Variants in GCC2 observed in about 807,000 individuals in gnomAD.
GCC2 encodes the protein GRIP and coiled-coil domain containing 2.
GCC2 carries 120 observed loss-of-function variants against 210.6 expected under a neutral mutation model. The observed-to-expected ratio is 0.57, with a 90% CI of 0.49 to 0.66. The LOEUF is 0.66. Ranked by LOEUF, GCC2 falls within the 30% of genes least tolerant of loss-of-function variation. The pLI, the probability that GCC2 is intolerant of heterozygous loss-of-function variation, is 0.00. For missense variants in GCC2, 1,868 were observed against 1,871.9 expected (o/e 1.00, Z 0.04); for synonymous variants, 703 against 652.7 (o/e 1.08, Z -1.17).
chr2:108,482,903 A>G (rs1048458319), intron 11 of GCC2, among the ~76,000 whole-genome samples, 159 bp from the exon 12 acceptor site: 1 of 152,086 alleles, frequency 6.6e-6, no homozygotes, highest in Non-Finnish European at 1.5e-5. Context: ...GATGGTCTCA[A>G]TCTCCTGACC....
rs565427452 is a variant in GCC2 at position 108,460,596 on chromosome 2, T to G, written c.216+8130T>G. On this transcript the variant is annotated intron_variant, in intron 4 of 22. Coordinates refer to ENST00000309863, the MANE Select transcript of GCC2 (RefSeq NM_181453.4). ...CTTTCACTTTCAGGTTTAGGACTTC[T>G]TGAACATTTCTTGTAGGTCTGGTCT... Among the ~76,000 whole-genome samples the G allele has an allele frequency of 3.9e-5, 6 of 152,338 alleles. No individual in the cohort carries two copies. In the South Asian group the frequency reaches 1.0e-3, roughly 26 times the overall value.
chr2:108,470,411 T>A lies in GCC2; in HGVS notation c.1082T>A (p.Leu361His). 1 of 1,607,016 alleles carries A rather than the reference T, an allele frequency of 6.2e-7. No individual in the cohort carries two copies. Among genetic ancestry groups the A allele is most frequent in the Non-Finnish European group, 8.5e-7 (1 of 1,174,364 alleles). The change falls in exon 6 of 23, where the codon CTT becomes CAT. Residue 361 changes from leucine to histidine, a missense_variant. Transcript: ENST00000309863. ...LKDEVTYMNN[L>H]KLKLEMDAQH... ...GATGAGGTAACTTATATGAATAATCTTAAGTTAAAACTTGAAATGGATGCT... is the reference window on the plus strand; with the variant it reads ...GATGAGGTAACTTATATGAATAATCATAAGTTAAAACTTGAAATGGATGCT...
At position 108,485,679 on chromosome 2, in the gene GCC2, C is replaced by G; in HGVS notation, c.3657C>G (p.Thr1219=). The part of the protein sequence containing the change: ...SSVQQYEEKN[T]KIKQLLVKTK... ...TACAACAATATGAAGAAAAAAACACCAAAATCAAGCAATTGCTTGTGAAAA... is the reference window on the plus strand; with the variant it reads ...TACAACAATATGAAGAAAAAAACACGAAAATCAAGCAATTGCTTGTGAAAA... Residue 1219 remains threonine, a synonymous_variant, in exon 14 of 23, where the codon ACC becomes ACG. Transcript: ENST00000309863. The G allele has an allele frequency of 6.3e-7, 1 of 1,593,500 alleles. No homozygotes were observed. The highest frequency in any genetic ancestry group is 8.5e-7 in the Non-Finnish European group (1 of 1,171,364).
At chr2:108,504,595 A>C (rs536466313) in intron 22 of GCC2, among the ~76,000 whole-genome samples, 13 of 152,284 alleles carry the variant, frequency 8.5e-5, no homozygotes, top group African/African-American at 1.2e-4. Flanking sequence ...CCTTGCCCCC[A>C]CACACATTAA....
At chr2:108,505,551 C>G (rs1683141099) in intron 22 of GCC2, among the ~76,000 whole-genome samples, 2 of 151,840 alleles carry the variant, frequency 1.3e-5, no homozygotes, top group South Asian at 4.1e-4. Context: ...CTAGCGGACT[C>G]TCTGTCTTCT....
rs758255170 is a variant in GCC2 at position 108,507,541 on chromosome 2, T to G, written c.4985-19T>G. On this transcript the variant is annotated intron_variant, in intron 22 of 22. Coordinates refer to ENST00000309863, the MANE Select transcript of GCC2 (RefSeq NM_181453.4). The stretch of plus-strand genomic sequence containing the variant: ...TTTTTCTTTTATTTTTCTTTTTTTT[T>G]TTGTTTTACTTTCCAAAGGTGAGGA... 45 of 1,529,314 alleles carry G rather than the reference T, an allele frequency of 2.9e-5. No homozygotes were observed. The highest frequency in any genetic ancestry group is 2.4e-4 in the African/African-American group (17 of 71,846). The allele number at this position is 1,529,314 out of a possible 1,614,324, so 94.7% of individuals were successfully genotyped here. A position where few individuals can be genotyped will look rare whatever the true frequency, so the allele number is the denominator to read the frequency against.
chr2:108,469,054 G>A lies in GCC2; in HGVS notation c.291G>A (p.Lys97=), dbSNP rs1681049153. The A allele has an allele frequency of 6.2e-7, 1 of 1,610,806 alleles. No homozygotes were observed. Residue 97 remains lysine (K), a synonymous_variant, in exon 5 of 23, where the codon AAG becomes AAA. Coordinates refer to ENST00000309863, the MANE Select transcript of GCC2 (RefSeq NM_181453.4). Reference sequence around the variant, plus strand: ...AGCAACAGTGTCTTTCTCTGAAAAAGGAAAATATAAAAATGAAGCAAGAGG... The same window carrying A: ...AGCAACAGTGTCTTTCTCTGAAAAAAGAAAATATAAAAATGAAGCAAGAGG... ...ETEQQCLSLK[K]ENIKMKQEVE...
At chr2:108,491,854 C>A (rs1682418526) in intron 18 of GCC2, among the ~76,000 whole-genome samples, 1 of 151,636 alleles carries the variant, frequency 6.6e-6, no homozygotes, top group African/African-American at 2.4e-5. Flanking sequence ...TGATGGTTCC[C>A]AAATTGTAGG....
At chr2:108,463,055 C>T (rs998690483) in intron 4 of GCC2, among the ~76,000 whole-genome samples, 15 of 151,630 alleles carry the variant, frequency 9.9e-5, no homozygotes, top group African/African-American at 3.6e-4. Context: ...TTCTTTTTTT[C>T]TGATATCTAT....
At chr2:108,498,429 C>T (rs1381552386) in intron 21 of GCC2, among the ~76,000 whole-genome samples, 5 of 151,756 alleles carry the variant, frequency 3.3e-5, no homozygotes, top group African/African-American at 4.8e-5. Flanking sequence ...CTCCTGACCT[C>T]GTGATCTGCC....
At chr2:108,455,624 C>CAT in intron 4 of GCC2, among the ~76,000 whole-genome samples, 1 of 152,036 alleles carries the variant, frequency 6.6e-6, no homozygotes, top group East Asian at 1.9e-4. Flanking sequence ...AGGTATTTAT[C>CAT]ATATATATGT....
At chr2:108,497,753 C>T (rs898258512) in intron 21 of GCC2, among the ~76,000 whole-genome samples, 2 of 152,150 alleles carry the variant, frequency 1.3e-5, no homozygotes, top group Non-Finnish European at 2.9e-5. Context: ...TCCACCCTGG[C>T]TCACTGATAA....
At chr2:108,478,365 T>C (rs544782930) in intron 9 of GCC2, among the ~76,000 whole-genome samples, 5 of 152,346 alleles carry the variant, frequency 3.3e-5, no homozygotes, top group Admixed American at 3.3e-4. Flanking sequence ...AGAATGTTGA[T>C]CACTTTTAAA....
intron 22 of GCC2, among the ~76,000 whole-genome samples, chr2:108,505,722 A>G (rs1365586529): frequency 6.6e-6 from 1 of 151,676 alleles, no homozygotes; most frequent in Non-Finnish European, 1.5e-5. Flanking sequence ...AGCCATGCCA[A>G]CATCTTGATT....
At position 108,470,137 on chromosome 2, in the gene GCC2, A is replaced by G; in HGVS notation, c.808A>G (p.Ile270Val). 6.2e-7 allele frequency: 1 copy of G among 1,613,824 alleles called. No homozygotes were observed. The highest frequency in any genetic ancestry group is 8.5e-7 in the Non-Finnish European group (1 of 1,179,866). Residue 270 changes from isoleucine (I) to valine (V), a missense_variant, in exon 6 of 23, where the codon ATA becomes GTA. Physicochemically the swap from Ile to Val is conservative, Grantham distance 29. Transcript: ENST00000309863. ...EASAKEHEAE[I>V]NKLNELKENL... ...ATCAGCTAAGGAACATGAAGCAGAG[A>G]TAAATAAGTTGAACGAGCTAAAAGA...
At chr2:108,507,444 AC>A in intron 22 of GCC2, 115 bp from the exon 23 acceptor site, 1 of 591,596 alleles carries the variant, frequency 1.7e-6, no homozygotes, top group South Asian at 2.0e-5. Flanking sequence ...TCAGTAAAAA[AC>A]ACATTATTTG....
intron 22 of GCC2, among the ~76,000 whole-genome samples, chr2:108,506,708 C>T (rs1390111681): frequency 1.3e-5 from 2 of 152,138 alleles, no homozygotes; most frequent in Non-Finnish European, 2.9e-5. Flanking sequence ...ATATAAGCTT[C>T]TGTTTTAAAA....
At chr2:108,473,976 A>ACCCT (rs1681373378) in intron 7 of GCC2, among the ~76,000 whole-genome samples, 1 of 149,280 alleles carries the variant, frequency 6.7e-6, no homozygotes, top group Non-Finnish European at 1.5e-5. Flanking sequence ...ACACGGTGAA[A>ACCCT]CCCTGTCTCT....
chr2:108,484,193 T>C lies in GCC2; in HGVS notation c.3495T>C (p.Tyr1165=), dbSNP rs1682013183. 9.4e-6 allele frequency: 15 copies of C among 1,593,518 alleles called. No individual in the cohort carries two copies. Among genetic ancestry groups the C allele is most frequent in the Non-Finnish European group, 1.3e-5 (15 of 1,172,312 alleles). Residue 1165 remains tyrosine (Y), a synonymous_variant, in exon 13 of 23, where the codon TAT becomes TAC. Coordinates refer to ENST00000309863, the MANE Select transcript of GCC2 (RefSeq NM_181453.4). ...TTLMNMEIAD[Y]ERLMKELNQK... is the part of the protein sequence containing the mutation. Reference sequence around the variant, plus strand: ...TGATGAATATGGAAATAGCTGATTATGAACGTTTGATGAAAGAACTAAATC... The same window carrying C: ...TGATGAATATGGAAATAGCTGATTACGAACGTTTGATGAAAGAACTAAATC...
Sources: gnomAD v4.1 joint callset for allele counts (sites outside exome capture counted in the v4.1 genomes callset) on GRCh38, gnomAD v4.1.1 for gene constraint, MANE v1.5 for transcripts, NCBI Gene and HGNC (gene_info 2026-07-23, HGNC 2026-07-21) for gene names.